The following ZNF521 variants were observed in gnomAD, a reference collection of about 807,000 sequenced individuals.
ZNF521 encodes the protein zinc finger protein 521.
In ZNF521, 14 loss-of-function variants were observed where a neutral mutation model predicts 105.5. The observed-to-expected ratio is 0.13, with a 90% CI of 0.09 to 0.21. The LOEUF (loss-of-function observed/expected upper bound fraction) is 0.21, where lower values mean the gene tolerates loss of function less well. Among genes scored for constraint, ZNF521 ranks in the 10% least tolerant of loss-of-function variants. ZNF521 has a pLI of 1.00. For synonymous variants in ZNF521, 635 were observed against 606.0 expected (o/e 1.05, Z -0.70); for missense variants, 1,233 against 1,629.7 (o/e 0.76, Z 4.19).
At chr18:25,124,159 A>C (rs796739144) in intron 5 of ZNF521, among the ~76,000 whole-genome samples, 74 of 152,260 alleles carry the variant, frequency 4.9e-4, no homozygotes, top group African/African-American at 1.8e-3. Flanking sequence ...AAGAGCGAGG[A>C]GAGCAAAAAT....
rs1906216780 is a variant in ZNF521 at position 25,227,185 on chromosome 18, T to C, written c.733A>G (p.Thr245Ala). Residue 245 changes from threonine (T) to alanine (A), a missense_variant, in exon 4 of 8, where the codon ACT becomes GCT. Coordinates refer to ENST00000361524, the MANE Select transcript of ZNF521 (RefSeq NM_015461.3). The surrounding 1 kb of genome is among the most constrained non-coding windows in gnomAD (Gnocchi z 5.7). Reference protein sequence around the residue: ...SRMEDWKMKDTQKCSQCEEGF... With the variant: ...SRMEDWKMKDAQKCSQCEEGF... ...TCCTCACACTGACTGCACTTCTGAG[T>C]GTCCTTCATCTTCCAGTCCTCCATC... 2 of 1,614,034 alleles carry C rather than the reference T, an allele frequency of 1.2e-6. No homozygotes were observed. Among genetic ancestry groups the C allele is most frequent in the Admixed American group, 1.7e-5 (1 of 60,008 alleles).
intron 3 of ZNF521, among the ~76,000 whole-genome samples, chr18:25,235,914 T>G (rs920683141): frequency 3.4e-5 from 5 of 147,522 alleles, no homozygotes; most frequent in Non-Finnish European, 5.9e-5. Context: ...TTACAAAGAT[T>G]AGGGGGGAAC....
intron 5 of ZNF521, among the ~76,000 whole-genome samples, chr18:25,120,361 T>C (rs2034409041): frequency 6.6e-6 from 1 of 152,150 alleles, no homozygotes; most frequent in Admixed American, 6.5e-5. Flanking sequence ...GGTGGGCAGA[T>C]CACCCGAGGT....
intron 5 of ZNF521, among the ~76,000 whole-genome samples, chr18:25,150,338 G>T (rs1289254303): frequency 6.6e-6 from 1 of 152,154 alleles, no homozygotes; most frequent in East Asian, 1.9e-4. Context: ...AGTGTATACT[G>T]CTTCGGTGAT....
intron 3 of ZNF521, among the ~76,000 whole-genome samples, chr18:25,238,320 CAGA>C (rs1340655644): frequency 3.9e-5 from 6 of 152,298 alleles, no homozygotes; most frequent in Admixed American, 3.3e-4. Context: ...CACACATATA[CAGA>C]AGAAGACAAA....
chr18:25,193,985 C>T (rs1350173904), intron 5 of ZNF521, among the ~76,000 whole-genome samples: 1 of 151,822 alleles, frequency 6.6e-6, no homozygotes, highest in Non-Finnish European at 1.5e-5. Context: ...AATTTTCCAA[C>T]ATGCTTTTGA....
At chr18:25,165,690 G>A (rs1050480487) in intron 5 of ZNF521, among the ~76,000 whole-genome samples, 2 of 152,210 alleles carry the variant, frequency 1.3e-5, no homozygotes, top group Non-Finnish European at 2.9e-5. Flanking sequence ...TTAATCACAA[G>A]TACAGCTGCA....
chr18:25,349,987 C>T (rs1041779823), intron 2 of ZNF521, among the ~76,000 whole-genome samples: 3 of 151,638 alleles, frequency 2.0e-5, no homozygotes, highest in Admixed American at 6.6e-5. Flanking sequence ...CCCTCGGCCG[C>T]CCGCCCCCGA....
At chr18:25,351,155 G>GCGA in intron 1 of ZNF521, 1 of 149,918 alleles carries the variant, frequency 6.7e-6, no homozygotes, top group Non-Finnish European at 1.5e-5. Context: ...CTGCACGACG[G>GCGA]CGGCGGCGGC....
intron 2 of ZNF521, among the ~76,000 whole-genome samples, chr18:25,345,618 C>T (rs993581535): frequency 6.6e-6 from 1 of 152,162 alleles, no homozygotes; most frequent in Non-Finnish European, 1.5e-5. Context: ...GTGAAACCGG[C>T]GTTTTGGAAG....
intron 3 of ZNF521, among the ~76,000 whole-genome samples, chr18:25,259,969 C>A (rs750521440): frequency 6.6e-6 from 1 of 152,116 alleles, no homozygotes; most frequent in African/African-American, 2.4e-5. Flanking sequence ...AGTGGGGCTA[C>A]CAGAGCAAAC....
At chr18:25,099,190 T>C (rs776811711) in intron 5 of ZNF521, among the ~76,000 whole-genome samples, 1 of 152,184 alleles carries the variant, frequency 6.6e-6, no homozygotes, top group Admixed American at 6.5e-5. Flanking sequence ...TAAATATTTA[T>C]TGAATTCATG....
At chr18:25,350,881 G>C (rs1288469959) in intron 2 of ZNF521, 26 bp downstream of exon 2, 1 of 1,547,154 alleles carries the variant, frequency 6.5e-7, no homozygotes, top group African/African-American at 1.4e-5. Context: ...ATGGGGGAAA[G>C]CGGGGAGCAG....
At chr18:25,169,581 C>T (rs920525374) in intron 5 of ZNF521, among the ~76,000 whole-genome samples, 7 of 152,074 alleles carry the variant, frequency 4.6e-5, no homozygotes, top group African/African-American at 1.7e-4. Flanking sequence ...AATACCATCC[C>T]TTTACTTTAT....
At chr18:25,187,528 T>TTTGCC (rs2035747515) in intron 5 of ZNF521, among the ~76,000 whole-genome samples, 1 of 152,170 alleles carries the variant, frequency 6.6e-6, no homozygotes, top group East Asian at 1.9e-4. Flanking sequence ...CAGGCCCTTT[T>TTTGCC]ATCAACAATT....
chr18:25,224,126 T>C (rs1213046311), intron 4 of ZNF521: 1 of 550,462 alleles, frequency 1.8e-6, no homozygotes, highest in Admixed American at 3.1e-5. Context: ...CTAGGGAGAC[T>C]GGAATTAGTC....
chr18:25,175,294 C>G (rs1410621948), intron 5 of ZNF521, among the ~76,000 whole-genome samples: 1 of 152,070 alleles, frequency 6.6e-6, no homozygotes, highest in Non-Finnish European at 1.5e-5. Context: ...CCATGGGGGT[C>G]AGGGAAGTAA....
chr18:25,280,191 C>T (rs989072471), intron 3 of ZNF521, among the ~76,000 whole-genome samples: 2 of 152,318 alleles, frequency 1.3e-5, no homozygotes, highest in South Asian at 4.1e-4. Flanking sequence ...CTGCCTCAGA[C>T]TCTCCCAGTC....
At chr18:25,338,350 G>C (rs1378334095) in intron 2 of ZNF521, among the ~76,000 whole-genome samples, 1 of 150,130 alleles carries the variant, frequency 6.7e-6, no homozygotes, top group Non-Finnish European at 1.5e-5. Context: ...AATGTGAGTT[G>C]AAAGTGGAAA....
Sources: allele counts gnomAD v4.1 joint callset (sites outside exome capture counted in the v4.1 genomes callset), GRCh38; gene constraint gnomAD v4.1.1; non-coding constraint Gnocchi (gnomAD v3.1); transcripts MANE v1.5; gene names NCBI Gene and HGNC (gene_info 2026-07-23, HGNC 2026-07-21).